RSRC2: variants seen among roughly 807,000 people sequenced by gnomAD.
RSRC2 encodes the protein arginine/serine-rich coiled-coil protein 2.
Under a neutral mutation model 61.3 loss-of-function variants are expected in RSRC2, and 5 were observed. The ratio of observed to expected loss-of-function variants is 0.08; its 90% CI spans 0.04 to 0.17. The LOEUF is 0.17. RSRC2 is among the 10% of genes least tolerant of loss of function. The probability of loss-of-function intolerance (pLI) is 1.00; values close to 1 mark genes in which losing one functional copy is unlikely to be tolerated. For missense variants in RSRC2, 381 were observed against 518.8 expected, an observed-to-expected ratio of 0.73 and a Z score of 2.58; for synonymous variants, 202 against 166.5, an observed-to-expected ratio of 1.21 and a Z score of -1.64.
At chr12:122,526,808 G>C (rs1203739153) in intron 1 of RSRC2, 40 bp downstream of exon 1, 4 of 1,613,078 alleles carry the variant, frequency 2.5e-6, no homozygotes, top group African/African-American at 2.7e-5. Context: ...GAACGTAGCA[G>C]AAAAATATCC....
chr12:122,514,747 C>CA lies in RSRC2; in HGVS notation c.725+357dup. 4.4e-6 allele frequency: 5 copies of CA among 1,129,562 alleles called. No homozygotes were observed. The South Asian group carries it at 7.5e-5, about 17-fold the overall frequency. The allele number at this position is 1,129,562 out of a possible 1,614,324, so 70.0% of individuals were successfully genotyped here. ...ATTTTGTCTATTTGAGGGAGAAAAA[C>CA]AAAAAGTAAAGGAAAAGTCATCTTA... On this transcript the variant is annotated intron_variant, in intron 6 of 9. Transcript: ENST00000331738.
At chr12:122,521,737 T>A (rs1323653342) in intron 2 of RSRC2, among the ~76,000 whole-genome samples, 1 of 152,204 alleles carries the variant, frequency 6.6e-6, no homozygotes, top group East Asian at 1.9e-4. Flanking sequence ...TAAGGGGGTT[T>A]AATAGAGAGA....
At position 122,515,088 on chromosome 12, in the gene RSRC2, T is replaced by G. The variant is rs1402779389; in HGVS notation, c.725+17A>C. The G allele has an allele frequency of 7.5e-6, 12 of 1,604,456 alleles. No individual in the cohort carries two copies. Among genetic ancestry groups the G allele is most frequent in the Non-Finnish European group, 9.3e-6 (11 of 1,177,080 alleles). On this transcript the variant is annotated intron_variant, in intron 6 of 9. Transcript: ENST00000331738. ...TTAAAGGCGAACTGGAACAAATGAA[T>G]TAAGAAATATACACACCTTCTAGCT...
At chr12:122,518,619 A>G (rs1412477380) in intron 4 of RSRC2, among the ~76,000 whole-genome samples, 1 of 151,490 alleles carries the variant, frequency 6.6e-6, no homozygotes, top group African/African-American at 2.4e-5. Context: ...AAAGAAATCT[A>G]GGCACTTGAG....
chr12:122,524,027 A>C (rs934003899), intron 1 of RSRC2, among the ~76,000 whole-genome samples: 2 of 152,202 alleles, frequency 1.3e-5, no homozygotes, highest in Non-Finnish European at 2.9e-5. Context: ...ATATGTACTT[A>C]TTTCTCCAGT....
chr12:122,521,345 A>T, intron 3 of RSRC2, 40 bp downstream of exon 3: 1 of 1,473,734 alleles, frequency 6.8e-7, no homozygotes, highest in Non-Finnish European at 9.5e-7. Flanking sequence ...ACACTTTATA[A>T]GTATTTTAAA....
rs117323114 is a variant in RSRC2 at position 122,513,716 on chromosome 12, T to G, written c.725+1389A>C. 5,435 of 859,920 alleles carry G rather than the reference T, an allele frequency of 6.3e-3. 22 individuals are homozygous for G. The highest frequency in any genetic ancestry group is 9.5e-3 in the Middle Eastern group (16 of 1,682). 53.3% of individuals were successfully genotyped at this position (859,920 alleles called of 1,614,324 possible). On this transcript the variant is annotated intron_variant, in intron 6 of 9. Transcript: ENST00000331738. ...TTGCATTAAAATGGCCATTGAAGAT[T>G]TGGAATTAATACCATTCACTAAGGT...
intron 6 of RSRC2, chr12:122,513,707 A>G (rs1958701106): frequency 6.7e-6 from 5 of 748,724 alleles, no homozygotes; most frequent in Non-Finnish European, 8.1e-6. Flanking sequence ...TAAAATGGCC[A>G]TTGAAGATTT....
rs1177324531 is a variant in RSRC2, at chr12:122,505,125, G to C, written c.*402C>G. The C allele has an allele frequency of 6.4e-6, 1 of 156,506 alleles. No individual in the cohort carries two copies. Among genetic ancestry groups the C allele is most frequent in the African/African-American group, 2.4e-5 (1 of 41,544 alleles). 9.7% of individuals were successfully genotyped at this position (156,506 alleles called of 1,614,324 possible). A position where few individuals can be genotyped will look rare whatever the true frequency, so the allele number is the denominator to read the frequency against. ...TGCTGGATTATGTACCAAATGGCCA[G>C]ATCTTCTAAAGAACATCTACATAAC... On this transcript the variant is annotated 3_prime_UTR_variant, in exon 10 of 10. Transcript: ENST00000331738.
chr12:122,510,693 G>A (rs1210226526), intron 7 of RSRC2, among the ~76,000 whole-genome samples: 1 of 150,110 alleles, frequency 6.7e-6, no homozygotes, highest in African/African-American at 2.5e-5. Context: ...TGGGAAGTAG[G>A]AATCATAGGT....
In RSRC2 at chr12:122,522,153, T is replaced by C. The variant is rs563087559; in HGVS notation, c.153A>G (p.Lys51=). Residue 51 remains lysine, a synonymous_variant, in exon 2 of 10, where the codon AAA becomes AAG. Coordinates refer to ENST00000331738, the MANE Select transcript of RSRC2 (RefSeq NM_023012.6). ...SRSRSRSRER[K]RKSDNEGRKH... ...TTTAAGAATTCATACCTGACTTTCG[T>C]TTTCTTTCTCTTGACCTTGATCGTG... 1.1e-5 allele frequency: 17 copies of C among 1,610,366 alleles called. No homozygotes were observed. In the East Asian group the frequency reaches 2.9e-4, roughly 27 times the overall value.
At chr12:122,526,704 A>C in intron 1 of RSRC2, 144 bp downstream of exon 1, 3 of 773,198 alleles carry the variant, frequency 3.9e-6, no homozygotes, top group East Asian at 6.4e-5. Context: ...TACAGCAGGC[A>C]GCCATGATGG....
chr12:122,523,938 C>A (rs919031903), intron 1 of RSRC2, among the ~76,000 whole-genome samples: 11 of 152,140 alleles, frequency 7.2e-5, no homozygotes, highest in Admixed American at 6.5e-5. Context: ...ACATAAATTA[C>A]GTGTTATTCC....
chr12:122,508,378 T>G lies in RSRC2; in HGVS notation c.875A>C (p.Gln292Pro). Reference protein sequence around the residue: ...LLASGTQVTPQIAMAAQMAAL... With the variant: ...LLASGTQVTPPIAMAAQMAAL... ...TGCCATCTGAGCTGCCATGGCTATCTGAGGTGTTACTTGTGTTCCTGATGC... is the reference window on the plus strand; with the variant it reads ...TGCCATCTGAGCTGCCATGGCTATCGGAGGTGTTACTTGTGTTCCTGATGC... The change falls in exon 8 of 10, where the codon CAG becomes CCG. Residue 292 changes from glutamine (Q) to proline (P), a missense_variant. By Grantham distance (76) the Gln-to-Pro change is moderately conservative (BLOSUM62 -1). Around this residue, in one of 4 missense-constraint regions of RSRC2, gnomAD observed 78 missense variants for 183.0 expected, o/e 0.43. Transcript: ENST00000331738. 1 of 1,614,240 alleles carries G rather than the reference T, an allele frequency of 6.2e-7. No homozygotes were observed. Among genetic ancestry groups the G allele is most frequent in the South Asian group, 1.1e-5 (1 of 91,092 alleles).
At position 122,508,183 on chromosome 12, in the gene RSRC2, A is replaced by C. The variant is rs758045602; in HGVS notation, c.1035+35T>G. 9.0e-6 allele frequency: 14 copies of C among 1,560,972 alleles called. No individual in the cohort carries two copies. The South Asian group carries it at 1.6e-4, about 17-fold the overall frequency. On this transcript the variant is annotated intron_variant, in intron 8 of 9. Coordinates refer to ENST00000331738, the MANE Select transcript of RSRC2 (RefSeq NM_023012.6). ...TTTTTCTAAGCAATTACTAATTAGG[A>C]ATAAACGACAGAAAAGCAGAATAAG... is the stretch of plus-strand genomic sequence containing the variant.
chr12:122,526,882 G>C lies in RSRC2; in HGVS notation c.-29C>G. The C allele has an allele frequency of 1.2e-6, 2 of 1,613,928 alleles. No homozygotes were observed. Among genetic ancestry groups the C allele is most frequent in the Non-Finnish European group, 1.7e-6 (2 of 1,179,766 alleles). On this transcript the variant is annotated 5_prime_UTR_variant, in exon 1 of 10. Transcript: ENST00000331738. ...TCAGAGTCCCGGCCGCTAGAGCGGC[G>C]CCTCCACTTGTCGCTTTCAACAGTA... is the stretch of plus-strand genomic sequence containing the variant.
intron 7 of RSRC2, among the ~76,000 whole-genome samples, chr12:122,509,460 A>C (rs1020864091): frequency 6.6e-6 from 1 of 150,720 alleles, no homozygotes; most frequent in African/African-American, 2.4e-5. Flanking sequence ...AAAAAAAAAA[A>C]CAAAAACAAA....
At chr12:122,523,651 AT>A (rs1281498601) in intron 1 of RSRC2, 46 of 152,252 alleles carry the variant, frequency 3.0e-4, no homozygotes, top group African/African-American at 1.0e-3. Context: ...GAGGAATCAC[AT>A]TAGAGAACTT....
chr12:122,509,271 A>T (rs987911700), intron 7 of RSRC2, among the ~76,000 whole-genome samples: 2 of 151,828 alleles, frequency 1.3e-5, no homozygotes, highest in African/African-American at 4.8e-5. Flanking sequence ...ACATAGTGAA[A>T]CCCCGTCTCA....
Sources: allele counts gnomAD v4.1 joint callset (sites outside exome capture counted in the v4.1 genomes callset), GRCh38; gene constraint gnomAD v4.1.1; regional missense constraint gnomAD v4.1.1; transcripts MANE v1.5; gene names NCBI Gene and HGNC (gene_info 2026-07-23, HGNC 2026-07-21).